The following SLC36A1 variants were observed in gnomAD, a reference collection of about 807,000 sequenced individuals.
The protein encoded by SLC36A1 is solute carrier family 36 member 1, also known as proton-coupled amino acid transporter 1.
Under a neutral mutation model 47.5 loss-of-function variants are expected in SLC36A1, and 30 were observed. The observed-to-expected ratio is 0.63, with a 90% confidence interval of 0.47 to 0.86. The LOEUF is 0.86. SLC36A1 is among the 40% of genes least tolerant of loss of function. The probability of loss-of-function intolerance (pLI) is 0.00; values close to 1 mark genes in which losing one functional copy is unlikely to be tolerated. For missense variants in SLC36A1, 517 were observed against 606.0 expected (o/e 0.85, Z 1.54); for synonymous variants, 255 against 249.7 (o/e 1.02, Z -0.20).
chr5:151,356,528 C>G, the SLC36A1 span, among the ~76,000 whole-genome samples: 1 of 151,936 alleles, frequency 6.6e-6, no homozygotes, highest in East Asian at 1.9e-4. Flanking sequence ...GTGTGTTGGG[C>G]ATATAGTAGG....
the SLC36A1 span, among the ~76,000 whole-genome samples, chr5:151,538,929 G>A: frequency 8.6e-5 from 13 of 151,742 alleles, no homozygotes; most frequent in South Asian, 6.3e-4. Flanking sequence ...CAGGTGATCC[G>A]CCTGCCTCGG....
chr5:151,548,370 G>A, the SLC36A1 span, among the ~76,000 whole-genome samples: 1 of 151,660 alleles, frequency 6.6e-6, no homozygotes, highest in African/African-American at 2.4e-5. Flanking sequence ...ATAATTAGTT[G>A]GATACTGGAT....
chr5:151,379,532 C>T, the SLC36A1 span, among the ~76,000 whole-genome samples: 2 of 152,098 alleles, frequency 1.3e-5, no homozygotes, highest in African/African-American at 4.8e-5. Context: ...GGGGTTTTGC[C>T]ATTTTGGTCA....
At chr5:151,549,286 G>A in the SLC36A1 span, 3 of 1,611,700 alleles carry the variant, frequency 1.9e-6, no homozygotes, top group Non-Finnish European at 2.5e-6. Flanking sequence ...TCATGGCCAG[G>A]CCTCTCACCT....
At chr5:151,528,153 T>C in the SLC36A1 span, 5 of 1,611,572 alleles carry the variant, frequency 3.1e-6, no homozygotes, top group Non-Finnish European at 4.2e-6. Context: ...GGTAGGGGGA[T>C]TGTGAATGGA....
the SLC36A1 span, among the ~76,000 whole-genome samples, chr5:151,377,538 G>A: frequency 1.1e-3 from 159 of 151,134 alleles, 1 homozygote; most frequent in Non-Finnish European, 2.0e-3. Flanking sequence ...TAGTAGAGAC[G>A]GGGTTTCACC....
chr5:151,468,438 A>T (rs1262534107), intron 7 of SLC36A1, among the ~76,000 whole-genome samples: 1 of 146,384 alleles, frequency 6.8e-6, no homozygotes, highest in Non-Finnish European at 1.5e-5. Context: ...TATATTGTGT[A>T]TATATATACA....
At chr5:151,433,268 T>TATATA (rs1561705258), upstream of SLC36A1, among the ~76,000 whole-genome samples, 5 of 13,098 alleles carry the variant, frequency 3.8e-4, no homozygotes, top group Non-Finnish European at 5.8e-4. Context: ...ATATATATAT[T>TATATA]TTTTTTTTTT....
At chr5:151,387,281 A>C in the SLC36A1 span, 1 of 152,366 alleles carries the variant, frequency 6.6e-6, no homozygotes, top group Admixed American at 6.5e-5. Flanking sequence ...AGACACCAGC[A>C]GGCTCTGGAG....
intron 1 of SLC36A1, among the ~76,000 whole-genome samples, chr5:151,439,403 C>T (rs1752491677): frequency 6.6e-6 from 1 of 151,912 alleles, no homozygotes; most frequent in South Asian, 2.1e-4. Flanking sequence ...TCCCGTAATC[C>T]CAGCACTTTG....
chr5:151,457,974 G>T (rs192295331), intron 1 of SLC36A1, among the ~76,000 whole-genome samples: 1 of 151,536 alleles, frequency 6.6e-6, no homozygotes, highest in East Asian at 1.9e-4. Flanking sequence ...TCAGCCTCCC[G>T]AGTAGCTGGG....
chr5:151,381,243 C>A, the SLC36A1 span: 1 of 291,240 alleles, frequency 3.4e-6, no homozygotes, highest in Admixed American at 4.2e-5. Context: ...ATCATGGCTC[C>A]TATTGCTCAT....
At chr5:151,538,843 A>ATTTTT in the SLC36A1 span, among the ~76,000 whole-genome samples, 1 of 143,848 alleles carries the variant, frequency 7.0e-6, no homozygotes, top group African/African-American at 2.6e-5. Flanking sequence ...CACCTGGCTA[A>ATTTTT]TTTTTTTTTT....
At chr5:151,379,323 G>A in the SLC36A1 span, among the ~76,000 whole-genome samples, 1 of 152,104 alleles carries the variant, frequency 6.6e-6, no homozygotes, top group Non-Finnish European at 1.5e-5. Context: ...AAATTTATAG[G>A]TTTTCTTATT....
chr5:151,555,367 C>CTTTTTTTTTTTT, the SLC36A1 span, among the ~76,000 whole-genome samples: 1 of 123,110 alleles, frequency 8.1e-6, no homozygotes, highest in African/African-American at 3.1e-5. Context: ...TAATATATTT[C>CTTTTTTTTTTTT]TTTTTTTTTT....
chr5:151,408,626 A>C, the SLC36A1 span, among the ~76,000 whole-genome samples: 1 of 152,196 alleles, frequency 6.6e-6, no homozygotes, highest in Non-Finnish European at 1.5e-5. Context: ...CCCCTCCCCA[A>C]ATTTATTACA....
At chr5:151,355,795 A>G in the SLC36A1 span, among the ~76,000 whole-genome samples, 2 of 152,194 alleles carry the variant, frequency 1.3e-5, no homozygotes, top group Admixed American at 1.3e-4. Flanking sequence ...GAAAAGCATA[A>G]AACCGCATAC....
chr5:151,458,824 A>G lies in SLC36A1; in HGVS notation c.32A>G (p.Tyr11Cys). The change falls in exon 2 of 11, where the codon TAC becomes TGC. Residue 11 changes from tyrosine to cysteine, a missense_variant. Tyr to Cys is a radical substitution (Grantham distance 194). Coordinates refer to ENST00000243389, the MANE Select transcript of SLC36A1 (RefSeq NM_078483.4). MSTQRLRNED[Y>C]HDYSSTDVSP... The stretch of plus-strand genomic sequence containing the variant: ...ACGCAGAGACTTCGGAATGAAGACT[A>G]CCACGACTACAGCTCCACGGACGTG... The G allele has an allele frequency of 6.2e-7, 1 of 1,614,122 alleles. No homozygotes were observed. Among genetic ancestry groups the G allele is most frequent in the Non-Finnish European group, 8.5e-7 (1 of 1,180,010 alleles).
chr5:151,434,130 A>G (rs560675222), upstream of SLC36A1, among the ~76,000 whole-genome samples: 4 of 152,382 alleles, frequency 2.6e-5, no homozygotes, highest in African/African-American at 7.2e-5. Context: ...CCTTCATTTC[A>G]GATCTTAAAG....
Sources: gnomAD v4.1 joint callset for allele counts (sites outside exome capture counted in the v4.1 genomes callset) on GRCh38, gnomAD v4.1.1 for gene constraint, MANE v1.5 for transcripts, NCBI Gene and HGNC (gene_info 2026-07-23, HGNC 2026-07-21) for gene names.